The following KLHL26 variants were observed in gnomAD, a reference collection of about 807,000 sequenced individuals.
KLHL26 encodes the protein kelch-like protein 26.
Under a neutral mutation model 7.1 loss-of-function variants are expected in KLHL26, and 4 were observed. The observed-to-expected ratio is 0.56, with a 90% confidence interval of 0.28 to 1.28. The LOEUF (loss-of-function observed/expected upper bound fraction) is 1.28, where lower values mean the gene tolerates loss of function less well. Among genes scored for constraint, KLHL26 ranks in the 50% most tolerant of loss-of-function variants. The pLI is 0.11. For synonymous variants in KLHL26, 465 were observed against 414.1 expected (o/e 1.12, Z -1.49); for missense variants, 896 against 924.6 (o/e 0.97, Z 0.40).
chr19:18,659,691 G>A (rs538913633), intron 1 of KLHL26: 14 of 151,932 alleles, frequency 9.2e-5, no homozygotes, highest in South Asian at 2.1e-4. Context: ...GAAAAGAACC[G>A]TTCTGGGGCT....
Position 18,637,099 on chromosome 19 carries a change from C to A in KLHL26, c.45C>A (p.Gly15=), listed in dbSNP as rs1411521948. The part of the protein sequence containing the change: ...GGSSGGAGGG[G]AFGAGPGPER... ...GCAGCGGTGGTGCTGGTGGCGGCGG[C>A]GCTTTCGGCGCGGGCCCGGGCCCCG... Residue 15 remains glycine (G), a synonymous_variant, in exon 1 of 3, where the codon GGC becomes GGA. Coordinates refer to ENST00000300976, the MANE Select transcript of KLHL26 (RefSeq NM_018316.3). 4.3e-6 allele frequency: 6 copies of A among 1,380,594 alleles called. No individual in the cohort carries two copies. Among genetic ancestry groups the A allele is most frequent in the Non-Finnish European group, 4.7e-6 (5 of 1,067,004 alleles). The allele number at this position is 1,380,594 out of a possible 1,614,324, so 85.5% of individuals were successfully genotyped here.
Position 18,656,266 on chromosome 19 carries a change from G to A in KLHL26, c.84-7995G>A, listed in dbSNP as rs556711776. 3.5e-4 allele frequency among the ~76,000 whole-genome samples: 54 copies of A among 152,306 alleles called. No homozygotes were observed. Among genetic ancestry groups the A allele is most frequent in the African/African-American group, 1.3e-3 (54 of 41,564 alleles). ...ACCTCTCAACCTGCTGAGCCTGAGAGCAGGGAGTGTCTCCTGCCACCTCAC... is the reference window on the plus strand; with the variant it reads ...ACCTCTCAACCTGCTGAGCCTGAGAACAGGGAGTGTCTCCTGCCACCTCAC... On this transcript the variant is annotated intron_variant, in intron 1 of 2. Transcript: ENST00000300976. The surrounding 1 kb of genome is among the most constrained non-coding windows in gnomAD (Gnocchi z 4.4).
intron 1 of KLHL26, among the ~76,000 whole-genome samples, chr19:18,658,086 G>T (rs1600700647): frequency 7.2e-6 from 1 of 139,390 alleles, no homozygotes; most frequent in East Asian, 2.4e-4. Context: ...AGCCAGTGAG[G>T]ACTGCAGCTG....
intron 1 of KLHL26, among the ~76,000 whole-genome samples, chr19:18,655,663 A>T (rs969649111): frequency 8.0e-6 from 1 of 124,852 alleles, no homozygotes; most frequent in Non-Finnish European, 1.8e-5. Context: ...TGTCATCTGG[A>T]CATGGAGAGC....
rs996475104 is a variant in KLHL26, at chr19:18,669,719, C to G, written c.*474C>G. 1.7e-4 allele frequency: 32 copies of G among 184,340 alleles called. No individual in the cohort carries two copies. Among genetic ancestry groups the G allele is most frequent in the Admixed American group, 5.3e-4 (9 of 16,904 alleles). The allele number at this position is 184,340 out of a possible 1,614,324, so 11.4% of individuals were successfully genotyped here. On this transcript the variant is annotated 3_prime_UTR_variant, in exon 3 of 3. Transcript: ENST00000300976. ...CGCGCGTGTTTTTAAAATAAACTCA[C>G]CCGAAACGTCCGTAACACACGGACC...
intron 1 of KLHL26, among the ~76,000 whole-genome samples, chr19:18,645,684 C>T (rs1419991127): frequency 1.3e-5 from 2 of 151,708 alleles, no homozygotes; most frequent in Admixed American, 6.6e-5. Flanking sequence ...TGGTGGTGGG[C>T]GTCTTTAATC....
rs939287868 is a variant in KLHL26, at chr19:18,649,342, G to A, written c.83+12205G>A. 5.3e-4 allele frequency among the ~76,000 whole-genome samples: 81 copies of A among 152,060 alleles called. No individual in the cohort carries two copies. Among genetic ancestry groups the A allele is most frequent in the African/African-American group, 1.9e-3 (77 of 41,506 alleles). Reference sequence around the variant, plus strand: ...GAGTACCCCACCCCGAACAGTCTTCGATGCATACCAGAGGGGAAGCCTCCT... The same window carrying A: ...GAGTACCCCACCCCGAACAGTCTTCAATGCATACCAGAGGGGAAGCCTCCT... On this transcript the variant is annotated intron_variant, in intron 1 of 2. Transcript: ENST00000300976. This position sits in a 1 kb window ranked among gnomAD's most constrained non-coding sequence, Gnocchi z 4.0.
Position 18,649,082 on chromosome 19 carries a change from C to T in KLHL26, c.83+11945C>T, listed in dbSNP as rs138546083. ...CTCTGAAGCACGCTCACTGGAATGTCCTGTCCCAGTGATTTGCACGGCTCA... is the reference window on the plus strand; with the variant it reads ...CTCTGAAGCACGCTCACTGGAATGTTCTGTCCCAGTGATTTGCACGGCTCA... On this transcript the variant is annotated intron_variant, in intron 1 of 2. Coordinates refer to ENST00000300976, the MANE Select transcript of KLHL26 (RefSeq NM_018316.3). The surrounding 1 kb of genome is among the most constrained non-coding windows in gnomAD (Gnocchi z 4.0). 1.5e-3 allele frequency among the ~76,000 whole-genome samples: 232 copies of T among 152,316 alleles called. 1 individual carries two copies. Among genetic ancestry groups the T allele is most frequent in the African/African-American group, 5.3e-3 (221 of 41,568 alleles).
At chr19:18,666,848 T>G (rs1407821311) in intron 2 of KLHL26, among the ~76,000 whole-genome samples, 2 of 152,232 alleles carry the variant, frequency 1.3e-5, no homozygotes, top group Non-Finnish European at 2.9e-5. Context: ...AGGGTTGAAC[T>G]GTGGTGCATG....
At chr19:18,661,307 A>G (rs1276222679) in intron 1 of KLHL26, among the ~76,000 whole-genome samples, 1 of 152,048 alleles carries the variant, frequency 6.6e-6, no homozygotes, top group African/African-American at 2.4e-5. Context: ...CACAGATCCC[A>G]TGTTTGGAAC....
intron 1 of KLHL26, among the ~76,000 whole-genome samples, chr19:18,642,382 T>TGTGTGTGTGTG (rs71168756): frequency 9.9e-4 from 149 of 150,356 alleles, no homozygotes; most frequent in East Asian, 1.6e-3. Flanking sequence ...TGTGTGTGTG[T>TGTGTGTGTGTG]TTGAGATGGA....
rs1405128208 is a variant in KLHL26, at chr19:18,646,341, C to T, written c.83+9204C>T. On this transcript the variant is annotated intron_variant, in intron 1 of 2. Transcript: ENST00000300976. This position sits in a 1 kb window ranked among gnomAD's most constrained non-coding sequence, Gnocchi z 5.0. ...TTCATCATGTTGGCCAGGCTGGTCTCGAACTCCTGACCTCAGGTGATCCAC... is the reference window on the plus strand; with the variant it reads ...TTCATCATGTTGGCCAGGCTGGTCTTGAACTCCTGACCTCAGGTGATCCAC... 1.3e-5 allele frequency among the ~76,000 whole-genome samples: 2 copies of T among 152,102 alleles called. No individual in the cohort carries two copies. The highest frequency in any genetic ancestry group is 3.9e-4 in the East Asian group (2 of 5,182).
intron 1 of KLHL26, among the ~76,000 whole-genome samples, chr19:18,639,421 T>G (rs1349078361): frequency 7.2e-6 from 1 of 139,706 alleles, no homozygotes; most frequent in Non-Finnish European, 1.6e-5. Context: ...TTTTTTTTTT[T>G]TTTTTTTTGA....
intron 1 of KLHL26, among the ~76,000 whole-genome samples, chr19:18,647,596 AGAG>A (rs1443890946): frequency 6.7e-6 from 1 of 150,344 alleles, no homozygotes; most frequent in Non-Finnish European, 1.5e-5. Context: ...AGGAGGAGGA[AGAG>A]GAGGAGGAGA....
chr19:18,667,361 T>G, intron 2 of KLHL26: 1 of 437,160 alleles, frequency 2.3e-6, no homozygotes, highest in Non-Finnish European at 4.2e-6. Context: ...TGTTTGTTTG[T>G]TTGTTTGTTT....
intron 1 of KLHL26, among the ~76,000 whole-genome samples, chr19:18,663,049 C>T (rs1410684783): frequency 2.6e-5 from 4 of 152,206 alleles, no homozygotes. Context: ...CGCAGCATTG[C>T]TGGCCAGCCC....
In KLHL26 at chr19:18,669,383, C is replaced by G. The variant is rs2052501706; in HGVS notation, c.*138C>G. The stretch of plus-strand genomic sequence containing the variant: ...AGGGGCCTGCTGCGTTGATAAGCCC[C>G]CCTCCCAGGGGTCCCTCCCTCCCTC... On this transcript the variant is annotated 3_prime_UTR_variant, in exon 3 of 3. Transcript: ENST00000300976. 3.1e-6 allele frequency: 2 copies of G among 654,882 alleles called. No homozygotes were observed. The highest frequency in any genetic ancestry group is 5.2e-6 in the Non-Finnish European group (2 of 381,920). The allele number at this position is 654,882 out of a possible 1,614,324, so 40.6% of individuals were successfully genotyped here. A position where few individuals can be genotyped will look rare whatever the true frequency, so the allele number is the denominator to read the frequency against.
At position 18,668,998 on chromosome 19, in the gene KLHL26, C is replaced by G. The variant is rs776365313; in HGVS notation, c.1601C>G (p.Pro534Arg). ...FDVLAVEYYV[P>R]ETDQWTSVSP... The stretch of plus-strand genomic sequence containing the variant: ...GTGCTGGCTGTGGAGTACTATGTGC[C>G]GGAGACGGACCAGTGGACCAGCGTG... Residue 534 changes from proline (P) to arginine (R), a missense_variant, in exon 3 of 3, where the codon CCG (proline) becomes CGG (arginine). Coordinates refer to ENST00000300976, the MANE Select transcript of KLHL26 (RefSeq NM_018316.3). 2 of 1,612,510 alleles carry G rather than the reference C, an allele frequency of 1.2e-6. No homozygotes were observed. The highest frequency in any genetic ancestry group is 1.7e-6 in the Non-Finnish European group (2 of 1,179,958).
At position 18,671,507 on chromosome 19, in the gene KLHL26, T is replaced by A. The variant is rs1271941517; in HGVS notation, c.*2262T>A. 2 of 152,192 alleles carry A rather than the reference T, an allele frequency of 1.3e-5. No individual in the cohort carries two copies. The highest frequency in any genetic ancestry group is 6.5e-5 in the Admixed American group (1 of 15,274). The allele number at this position is 152,192 out of a possible 1,614,324, so 9.4% of individuals were successfully genotyped here. On this transcript the variant is annotated 3_prime_UTR_variant, in exon 3 of 3. Transcript: ENST00000300976. ...TCAGCTCACACCTCAGAACATCTTG[T>A]CCCCAGTGAGCTGGCAGGGGCGCCG...
Sources: allele counts gnomAD v4.1 joint callset (sites outside exome capture counted in the v4.1 genomes callset), GRCh38; gene constraint gnomAD v4.1.1; non-coding constraint Gnocchi (gnomAD v3.1); transcripts MANE v1.5; gene names NCBI Gene and HGNC (gene_info 2026-07-23, HGNC 2026-07-21).